BCR: variants seen among roughly 807,000 people sequenced by gnomAD.
BCR encodes breakpoint cluster region protein.
In BCR, 58 loss-of-function variants were observed where a neutral mutation model predicts 138.6. That is an observed-to-expected ratio of 0.42 (90% CI 0.34 to 0.52). The LOEUF is 0.52. Ranked by LOEUF, BCR falls within the 20% of genes least tolerant of loss-of-function variation. BCR has a pLI of 0.06. For synonymous variants in BCR, 786 were observed against 730.1 expected (o/e 1.08, Z -1.23); for missense variants, 1,599 against 1,727.2 (o/e 0.93, Z 1.32).
chr22:23,299,313 C>G (rs1321261788), intron 16 of BCR, among the ~76,000 whole-genome samples: 2 of 152,220 alleles, frequency 1.3e-5, no homozygotes, highest in African/African-American at 4.8e-5. Context: ...ACGTAAGTTT[C>G]TCTCCTATGG....
At chr22:23,254,393 C>T in intron 2 of BCR, 1 of 485,032 alleles carries the variant, frequency 2.1e-6, no homozygotes, top group South Asian at 1.6e-5. Flanking sequence ...TGACCAGAGC[C>T]TTTCCTGTGA....
intron 1 of BCR, among the ~76,000 whole-genome samples, chr22:23,250,228 T>TA (rs1165627264): frequency 2.0e-5 from 3 of 151,974 alleles, no homozygotes; most frequent in Non-Finnish European, 4.4e-5. Flanking sequence ...GACTTGACCT[T>TA]ACACGGGAGT....
chr22:23,264,430 C>A (rs1261205473), intron 4 of BCR: 12 of 702,212 alleles, frequency 1.7e-5, no homozygotes, highest in Admixed American at 4.0e-5. Flanking sequence ...ATGAAGGGTG[C>A]AGTGATAGTT....
intron 8 of BCR, among the ~76,000 whole-genome samples, chr22:23,275,708 G>A (rs2073567698): frequency 6.6e-6 from 1 of 152,210 alleles, no homozygotes; most frequent in Non-Finnish European, 1.5e-5. Context: ...GTGGATGTTG[G>A]ATTTGCTTCT....
chr22:23,305,663 C>T (rs1436115748), intron 16 of BCR, among the ~76,000 whole-genome samples: 1 of 152,216 alleles, frequency 6.6e-6, no homozygotes, highest in East Asian at 1.9e-4. Context: ...ACCTCTAGGC[C>T]ACCATCTGCC....
rs186388913 is a variant in BCR at position 23,305,577 on chromosome 22, A to C, written c.3013-3847A>C. On this transcript the variant is annotated intron_variant, in intron 16 of 22. Coordinates refer to ENST00000305877, the MANE Select transcript of BCR (RefSeq NM_004327.4). Reference sequence around the variant, plus strand: ...CAGGGCAGCACACAGCACCTGCCCCAGTTGGGCTTCGGCCTCCCTCAGCCC... The same window carrying C: ...CAGGGCAGCACACAGCACCTGCCCCCGTTGGGCTTCGGCCTCCCTCAGCCC... Among the ~76,000 whole-genome samples, 341 of 152,314 alleles carry C rather than the reference A, an allele frequency of 2.2e-3. 1 individual carries two copies. Among genetic ancestry groups the C allele is most frequent in the Non-Finnish European group, 2.4e-3 (166 of 68,014 alleles).
chr22:23,206,657 G>T (rs1053626571), intron 1 of BCR, among the ~76,000 whole-genome samples: 1 of 152,098 alleles, frequency 6.6e-6, no homozygotes, highest in African/African-American at 2.4e-5. Context: ...AGAGAACAGG[G>T]TGTTAAAACT....
chr22:23,225,449 G>A (rs929957061), intron 1 of BCR, among the ~76,000 whole-genome samples: 24 of 152,322 alleles, frequency 1.6e-4, no homozygotes, highest in Non-Finnish European at 3.1e-4. Context: ...GCTGGAGACT[G>A]GACTGCGGGG....
At chr22:23,222,538 G>C (rs2072837510) in intron 1 of BCR, among the ~76,000 whole-genome samples, 1 of 152,096 alleles carries the variant, frequency 6.6e-6, no homozygotes, top group South Asian at 2.1e-4. Flanking sequence ...GAGGAGTGTA[G>C]ATTTTGTAGA....
chr22:23,210,760 C>T (rs1021155035), intron 1 of BCR, among the ~76,000 whole-genome samples: 1 of 152,170 alleles, frequency 6.6e-6, no homozygotes. Context: ...TTGGCTCTGG[C>T]TTTTTTCACT....
intron 1 of BCR, among the ~76,000 whole-genome samples, chr22:23,189,778 G>A (rs980651705): frequency 2.6e-5 from 4 of 152,132 alleles, no homozygotes; most frequent in African/African-American, 4.8e-5. Flanking sequence ...GGGATTATAG[G>A]CATGAGCCAC....
Position 23,314,027 on chromosome 22 carries a change from G to A in BCR, c.3517G>A (p.Glu1173Lys), listed in dbSNP as rs747409015. The change falls in exon 21 of 23, where the codon GAG becomes AAG. Residue 1173 changes from glutamate to lysine, a missense_variant. This residue lies in a region of BCR where 177 missense variants were observed against 226.4 expected (regional missense o/e 0.78). Coordinates refer to ENST00000305877, the MANE Select transcript of BCR (RefSeq NM_004327.4). ...GCTCAACCTGCTGCTGTCCCTGCCG[G>A]AGGCCAACCTGCTCACCTTCCTTTT... ...CMLNLLLSLP[E>K]ANLLTFLFLL... is the part of the protein sequence containing the mutation. 18 of 1,613,920 alleles carry A rather than the reference G, an allele frequency of 1.1e-5. No homozygotes were observed. The highest frequency in any genetic ancestry group is 1.4e-5 in the Non-Finnish European group (16 of 1,180,030).
At chr22:23,190,127 G>C (rs1288314690) in intron 1 of BCR, among the ~76,000 whole-genome samples, 3 of 152,094 alleles carry the variant, frequency 2.0e-5, no homozygotes, top group African/African-American at 7.2e-5. Context: ...CTTTTTCTCT[G>C]TGCATGAACT....
chr22:23,280,645 A>G (rs1039958169), intron 8 of BCR, among the ~76,000 whole-genome samples: 4 of 152,248 alleles, frequency 2.6e-5, no homozygotes, highest in Admixed American at 6.5e-5. Context: ...AGCCAGCATC[A>G]TCGTCACAGA....
Position 23,292,588 on chromosome 22 carries a change from A to G in BCR, c.2830A>G (p.Lys944Glu). 6.2e-7 allele frequency: 1 copy of G among 1,613,712 alleles called. No homozygotes were observed. The highest frequency in any genetic ancestry group is 1.1e-5 in the South Asian group (1 of 91,060). ...EVDSFGYFVN[K>E]AKTRVYRDTA... ...GGATTCCTTTGGGTATTTTGTGAAT[A>G]AAGCAAAGACGCGCGTCTACAGGGA... Residue 944 changes from lysine to glutamate, a missense_variant, in exon 15 of 23, where the codon AAA becomes GAA. Around this residue, in one of 4 missense-constraint regions of BCR, gnomAD observed 590 missense variants for 762.4 expected, o/e 0.77. Coordinates refer to ENST00000305877, the MANE Select transcript of BCR (RefSeq NM_004327.4).
At chr22:23,193,379 G>C (rs937954081) in intron 1 of BCR, among the ~76,000 whole-genome samples, 5 of 152,260 alleles carry the variant, frequency 3.3e-5, no homozygotes, top group Admixed American at 6.5e-5. Context: ...CCCCTTGGGG[G>C]CTTCGTGGGA....
rs111291185 is a variant in BCR, at chr22:23,239,637, G to A, written c.1280-14162G>A. 5.7e-3 allele frequency among the ~76,000 whole-genome samples: 869 copies of A among 152,260 alleles called. 6 individuals carry two copies. The highest frequency in any genetic ancestry group is 0.019 in the African/African-American group (769 of 41,524). ...TCATGTAATAGTATGTTATGGCTGC[G>A]TAACAAAGAACCACAAACTGTGCAG... On this transcript the variant is annotated intron_variant, in intron 1 of 22. Transcript: ENST00000305877.
At position 23,217,076 on chromosome 22, in the gene BCR, C is replaced by T. The variant is rs1160854655; in HGVS notation, c.1279+34837C>T. 1.3e-5 allele frequency: 6 copies of T among 447,750 alleles called. No individual in the cohort carries two copies. In the Admixed American group the frequency reaches 1.5e-4, roughly 11 times the overall value. 27.7% of individuals were successfully genotyped at this position (447,750 alleles called of 1,614,324 possible). On this transcript the variant is annotated intron_variant, in intron 1 of 22. Coordinates refer to ENST00000305877, the MANE Select transcript of BCR (RefSeq NM_004327.4). Reference sequence around the variant, plus strand: ...ACACAAGGCATGATTCTCAGGGGCTCTGGTGATTGCTCCCACCACAGGATT... The same window carrying T: ...ACACAAGGCATGATTCTCAGGGGCTTTGGTGATTGCTCCCACCACAGGATT...
chr22:23,289,986 G>A (rs1312006641), intron 13 of BCR: 11 of 502,302 alleles, frequency 2.2e-5, no homozygotes, highest in Admixed American at 2.0e-4. Flanking sequence ...AAGCTGTTTT[G>A]CATTCACTGT....
Sources: allele counts gnomAD v4.1 joint callset (sites outside exome capture counted in the v4.1 genomes callset), GRCh38; gene constraint gnomAD v4.1.1; regional missense constraint gnomAD v4.1.1; transcripts MANE v1.5; gene names NCBI Gene and HGNC (gene_info 2026-07-23, HGNC 2026-07-21).